SEL1L2: variants seen among roughly 807,000 people sequenced by gnomAD.
SEL1L2 encodes protein sel-1 homolog 2.
Under a neutral mutation model 98.8 loss-of-function variants are expected in SEL1L2, and 89 were observed. That is an observed-to-expected ratio of 0.90 (90% CI 0.76 to 1.07). SEL1L2 has a LOEUF of 1.07. Ranked by LOEUF, SEL1L2 falls within the 50% of genes least tolerant of loss-of-function variation. The pLI, the probability that SEL1L2 is intolerant of heterozygous loss-of-function variation, is 0.00. For missense variants in SEL1L2, 788 were observed against 812.0 expected, an observed-to-expected ratio of 0.97 and a Z score of 0.36; for synonymous variants, 262 against 278.5, an observed-to-expected ratio of 0.94 and a Z score of 0.59.
At chr20:13,980,637 A>G (rs2051768230) in intron 1 of SEL1L2, among the ~76,000 whole-genome samples, 1 of 152,224 alleles carries the variant, frequency 6.6e-6, no homozygotes, top group Non-Finnish European at 1.5e-5. Context: ...CCCTCTAGGT[A>G]TATATCCAAA....
intron 4 of SEL1L2, among the ~76,000 whole-genome samples, chr20:13,917,616 C>T (rs1349497711): frequency 6.6e-6 from 1 of 151,972 alleles, no homozygotes; most frequent in Non-Finnish European, 1.5e-5. Flanking sequence ...TTTTATACTT[C>T]TCAAAGGTTT....
intron 2 of SEL1L2, among the ~76,000 whole-genome samples, chr20:13,936,642 G>A (rs922931649): frequency 5.3e-5 from 8 of 152,210 alleles, no homozygotes; most frequent in Non-Finnish European, 8.8e-5. Flanking sequence ...ACCCTCCTGC[G>A]CACCAAACTA....
At chr20:13,905,725 G>A (rs1320961050) in intron 5 of SEL1L2, among the ~76,000 whole-genome samples, 2 of 152,054 alleles carry the variant, frequency 1.3e-5, no homozygotes, top group African/African-American at 4.8e-5. Context: ...ATGGATTACA[G>A]AATGATTAAA....
intron 1 of SEL1L2, among the ~76,000 whole-genome samples, chr20:13,962,616 A>C (rs2050832686): frequency 6.6e-6 from 1 of 152,224 alleles, no homozygotes; most frequent in Non-Finnish European, 1.5e-5. Context: ...TTGGGTTGTT[A>C]ATGCAGCAAT....
intron 2 of SEL1L2, among the ~76,000 whole-genome samples, chr20:13,933,036 C>A (rs944638275): frequency 1.3e-5 from 2 of 151,758 alleles, no homozygotes; most frequent in African/African-American, 4.8e-5. Flanking sequence ...GGTGAAACCC[C>A]GTCTCTACTA....
rs2049339241 is a variant in SEL1L2 at position 13,934,448 on chromosome 20, T to TATATATATATTCCATATATATATATTCC, written c.115-2705_115-2678dup. ...ATATATATTCCATATATATATTCCA[T>TATATATATATTCCATATATATATATTCC]ATATATATATTCCATATATATATAT... On this transcript the variant is annotated intron_variant, in intron 2 of 19. Coordinates refer to ENST00000284951, the MANE Select transcript of SEL1L2 (RefSeq NM_025229.2). Among the ~76,000 whole-genome samples the TATATATATATTCCATATATATATATTCC allele has an allele frequency of 4.1e-5, 2 of 49,058 alleles. 1 individual carries two copies. The highest frequency in any genetic ancestry group is 8.7e-5 in the Non-Finnish European group (2 of 23,108). The allele number at this position is 49,058 out of a possible 152,430, so 32.2% of individuals were successfully genotyped here.
chr20:13,940,320 C>A (rs2049698793), intron 2 of SEL1L2, among the ~76,000 whole-genome samples: 1 of 152,106 alleles, frequency 6.6e-6, no homozygotes, highest in African/African-American at 2.4e-5. Context: ...AGCAGTTCTG[C>A]AAAGTTATGA....
At chr20:13,934,866 C>T (rs1416966686) in intron 2 of SEL1L2, among the ~76,000 whole-genome samples, 1 of 151,914 alleles carries the variant, frequency 6.6e-6, no homozygotes, top group Non-Finnish European at 1.5e-5. Context: ...TTTCAGCCAC[C>T]TTCTATTAGC....
chr20:13,994,235 G>T (rs2052587701), upstream of SEL1L2, among the ~76,000 whole-genome samples: 1 of 143,162 alleles, frequency 7.0e-6, no homozygotes, highest in East Asian at 2.1e-4. Flanking sequence ...GAAAGAGGTT[G>T]CAGTGAGCTG....
chr20:13,885,821 G>C (rs915626771), intron 9 of SEL1L2, among the ~76,000 whole-genome samples: 4 of 152,134 alleles, frequency 2.6e-5, no homozygotes, highest in African/African-American at 9.7e-5. Context: ...AGATCACGAG[G>C]TCAGGAGATC....
At chr20:13,861,903 C>T (rs1990202957) in intron 17 of SEL1L2, among the ~76,000 whole-genome samples, 1 of 152,210 alleles carries the variant, frequency 6.6e-6, no homozygotes. Context: ...CACTTCTCTC[C>T]TAGAGGCCGT....
chr20:13,896,105 G>A (rs1029540902), intron 5 of SEL1L2, among the ~76,000 whole-genome samples: 6 of 152,154 alleles, frequency 3.9e-5, no homozygotes, highest in African/African-American at 1.2e-4. Flanking sequence ...AACCTGGGAG[G>A]CGGAGGTTGC....
At chr20:13,904,372 A>G (rs1346626954) in intron 5 of SEL1L2, among the ~76,000 whole-genome samples, 1 of 151,996 alleles carries the variant, frequency 6.6e-6, no homozygotes, top group Non-Finnish European at 1.5e-5. Flanking sequence ...CTACTAAAAG[A>G]TAAAACTTAG....
intron 1 of SEL1L2, among the ~76,000 whole-genome samples, chr20:13,963,483 G>A (rs1321384735): frequency 1.3e-5 from 2 of 151,662 alleles, no homozygotes; most frequent in Non-Finnish European, 2.9e-5. Flanking sequence ...TTGGGAGGCC[G>A]AGGTGGGCAG....
At chr20:13,939,665 CTTTT>C (rs3042764) in intron 2 of SEL1L2, among the ~76,000 whole-genome samples, 1 of 138,526 alleles carries the variant, frequency 7.2e-6, no homozygotes, top group South Asian at 2.2e-4. Context: ...CACCCTTATT[CTTTT>C]TTTTTTTTTT....
chr20:13,856,048 G>A (rs1989106710), intron 18 of SEL1L2, among the ~76,000 whole-genome samples: 6 of 152,186 alleles, frequency 3.9e-5, no homozygotes, highest in Admixed American at 3.9e-4. Flanking sequence ...AGACAGAAAG[G>A]ATGGCCAGGA....
chr20:13,888,613 C>T (rs182676234), intron 5 of SEL1L2, 101 bp from the exon 6 acceptor site: 24 of 471,814 alleles, frequency 5.1e-5, no homozygotes, highest in African/African-American at 4.7e-4. Context: ...TAATAATTTG[C>T]ATTGTTAATT....
intron 5 of SEL1L2, among the ~76,000 whole-genome samples, chr20:13,894,043 G>A (rs1258580320): frequency 6.6e-6 from 1 of 152,076 alleles, no homozygotes; most frequent in Non-Finnish European, 1.5e-5. Flanking sequence ...CCCATAAGAT[G>A]CTAAGAGGGA....
intron 2 of SEL1L2, among the ~76,000 whole-genome samples, chr20:13,935,131 G>T (rs1304407751): frequency 1.3e-5 from 2 of 152,292 alleles, no homozygotes; most frequent in Non-Finnish European, 1.5e-5. Context: ...TTGACTTTGG[G>T]TTTCTCTCTC....
Sources: allele counts gnomAD v4.1 joint callset (sites outside exome capture counted in the v4.1 genomes callset), GRCh38; gene constraint gnomAD v4.1.1; transcripts MANE v1.5; gene names NCBI Gene and HGNC (gene_info 2026-07-23, HGNC 2026-07-21).